Variants in KCNAB1 observed in about 807,000 individuals in gnomAD.
The protein encoded by KCNAB1 is potassium voltage-gated channel subfamily A regulatory beta subunit 1.
In KCNAB1, 35 loss-of-function variants were observed where a neutral mutation model predicts 64.6. That is an observed-to-expected ratio of 0.54 (90% CI 0.41 to 0.72). The LOEUF (loss-of-function observed/expected upper bound fraction) is 0.72, where lower values mean the gene tolerates loss of function less well. KCNAB1 is among the 30% of genes least tolerant of loss of function. KCNAB1 has a pLI of 0.00. For missense variants in KCNAB1, 401 were observed against 512.9 expected (o/e 0.78, Z 2.11); for synonymous variants, 177 against 183.8 (o/e 0.96, Z 0.30).
In KCNAB1 at chr3:156,296,623, A is replaced by G. The variant is rs1254897154; in HGVS notation, c.276-124993A>G. Among the ~76,000 whole-genome samples the G allele has an allele frequency of 5.3e-5, 8 of 151,782 alleles. No individual in the cohort carries two copies. The South Asian group carries it at 1.5e-3, about 28-fold the overall frequency. ...CGAGTAGCTGGGACTACAGGTGCCC[A>G]CCACCATGCCTGGCTAATGTTTTAT... On this transcript the variant is annotated intron_variant, in intron 1 of 13. Transcript: ENST00000490337.
intron 1 of KCNAB1, among the ~76,000 whole-genome samples, chr3:156,186,438 A>G (rs1252282740): frequency 6.6e-6 from 1 of 152,098 alleles, no homozygotes; most frequent in African/African-American, 2.4e-5. Flanking sequence ...TGTGCTGTGG[A>G]CCACATCTCT....
At chr3:156,271,612 C>T (rs949906952) in intron 1 of KCNAB1, among the ~76,000 whole-genome samples, 1 of 152,178 alleles carries the variant, frequency 6.6e-6, no homozygotes, top group Admixed American at 6.5e-5. Context: ...GCTTGAGTTT[C>T]GTTGAGTTTC....
At chr3:156,191,284 G>C (rs1419097777) in intron 1 of KCNAB1, among the ~76,000 whole-genome samples, 4 of 152,232 alleles carry the variant, frequency 2.6e-5, no homozygotes, top group African/African-American at 7.2e-5. Flanking sequence ...CTTAGATTCT[G>C]TGACCTGTCA....
chr3:156,178,858 G>C (rs997050162), intron 1 of KCNAB1, among the ~76,000 whole-genome samples: 2 of 151,858 alleles, frequency 1.3e-5, no homozygotes, highest in East Asian at 3.9e-4. Flanking sequence ...AAAATTAGCC[G>C]GGCGTGTTGG....
intron 2 of KCNAB1, among the ~76,000 whole-genome samples, chr3:156,422,921 C>G (rs1018824586): frequency 1.4e-4 from 22 of 152,162 alleles, no homozygotes; most frequent in African/African-American, 5.3e-4. Context: ...GTCCTGGAAT[C>G]CAGGTGAGCA....
intron 1 of KCNAB1, among the ~76,000 whole-genome samples, chr3:156,271,019 G>T (rs1719008039): frequency 1.3e-5 from 2 of 152,208 alleles, no homozygotes; most frequent in African/African-American, 4.8e-5. Context: ...CTCTCTCTGA[G>T]CCTGTAAGGC....
intron 2 of KCNAB1, among the ~76,000 whole-genome samples, chr3:156,438,939 G>A (rs955144619): frequency 1.3e-5 from 2 of 152,150 alleles, no homozygotes; most frequent in Middle Eastern, 3.4e-3. Context: ...GCTTGAACCC[G>A]GGAGGCGGAG....
At chr3:156,530,611 A>C (rs1168260186) in intron 12 of KCNAB1, among the ~76,000 whole-genome samples, 1 of 152,188 alleles carries the variant, frequency 6.6e-6, no homozygotes, top group African/African-American at 2.4e-5. Context: ...GCTACCCTGA[A>C]GTAGAAGCCA....
chr3:156,243,214 G>A (rs1317729427), intron 1 of KCNAB1, among the ~76,000 whole-genome samples: 2 of 150,584 alleles, frequency 1.3e-5, no homozygotes, highest in Non-Finnish European at 3.0e-5. Flanking sequence ...GGCCGATGGT[G>A]TGCTTATTTT....
At chr3:156,426,304 T>G (rs562362136) in intron 2 of KCNAB1, among the ~76,000 whole-genome samples, 38 of 152,254 alleles carry the variant, frequency 2.5e-4, no homozygotes, top group African/African-American at 7.7e-4. Context: ...TTATTATTAT[T>G]TTAAAAAAAT....
intron 1 of KCNAB1, among the ~76,000 whole-genome samples, chr3:156,195,053 G>A (rs1713822812): frequency 6.6e-6 from 1 of 152,070 alleles, no homozygotes; most frequent in African/African-American, 2.4e-5. Flanking sequence ...TTCTGTTCCT[G>A]TGTTAGTTTG....
chr3:156,291,743 G>A (rs1345886633), intron 1 of KCNAB1: 33 of 1,455,536 alleles, frequency 2.3e-5, no homozygotes, highest in Non-Finnish European at 2.7e-5. Flanking sequence ...CCACTTTGTG[G>A]GCTTGGCTCG....
intron 1 of KCNAB1, among the ~76,000 whole-genome samples, chr3:156,216,104 G>A (rs540483500): frequency 1.5e-4 from 23 of 152,332 alleles, no homozygotes; most frequent in African/African-American, 5.5e-4. Flanking sequence ...ATCCTCAGAA[G>A]CACTGTTGAG....
At chr3:156,419,931 C>T (rs1039527130) in intron 1 of KCNAB1, among the ~76,000 whole-genome samples, 1 of 152,220 alleles carries the variant, frequency 6.6e-6, no homozygotes, top group African/African-American at 2.4e-5. Context: ...CAAGAAAAGT[C>T]TTTGTACATC....
intron 1 of KCNAB1, among the ~76,000 whole-genome samples, chr3:156,363,994 C>G (rs1311883505): frequency 1.3e-5 from 2 of 152,200 alleles, no homozygotes; most frequent in African/African-American, 4.8e-5. Flanking sequence ...TGCTTATGTA[C>G]TTGATAATTG....
chr3:156,354,343 G>T (rs1402723851), intron 1 of KCNAB1, among the ~76,000 whole-genome samples: 2 of 151,106 alleles, frequency 1.3e-5, no homozygotes, highest in African/African-American at 4.9e-5. Context: ...TGTATTTTTA[G>T]TAGGATGGGG....
At chr3:156,317,003 G>T (rs1722318951) in intron 1 of KCNAB1, among the ~76,000 whole-genome samples, 1 of 152,176 alleles carries the variant, frequency 6.6e-6, no homozygotes, top group African/African-American at 2.4e-5. Flanking sequence ...GAAATGACTA[G>T]CACAGGGCCC....
chr3:156,440,526 T>C (rs1484454886), intron 2 of KCNAB1, among the ~76,000 whole-genome samples: 1 of 152,214 alleles, frequency 6.6e-6, no homozygotes, highest in Non-Finnish European at 1.5e-5. Context: ...AAGTGCAATC[T>C]CCCAAGATTG....
At chr3:156,514,823 C>A (rs1717446182) in intron 9 of KCNAB1, among the ~76,000 whole-genome samples, 1 of 152,180 alleles carries the variant, frequency 6.6e-6, no homozygotes, top group Admixed American at 6.5e-5. Flanking sequence ...AATAGTTAAA[C>A]TACATTTTCT....
Sources: gnomAD v4.1 joint callset for allele counts (sites outside exome capture counted in the v4.1 genomes callset) on GRCh38, gnomAD v4.1.1 for gene constraint, MANE v1.5 for transcripts, NCBI Gene and HGNC (gene_info 2026-07-23, HGNC 2026-07-21) for gene names.